The following SLIT1 variants were observed in gnomAD, a reference collection of about 807,000 sequenced individuals.
The protein encoded by SLIT1 is slit homolog 1 protein.
A neutral mutation model predicts 186.1 loss-of-function variants in SLIT1; 66 were observed. The ratio of observed to expected loss-of-function variants is 0.35; its 90% CI spans 0.29 to 0.44. The LOEUF (loss-of-function observed/expected upper bound fraction) is 0.44, where lower values mean the gene tolerates loss of function less well. SLIT1 is among the 20% of genes least tolerant of loss of function. The pLI is 1.00. For synonymous variants in SLIT1, 761 were observed against 833.8 expected (o/e 0.91, Z 1.50); for missense variants, 1,638 against 2,037.4 (o/e 0.80, Z 3.77).
rs896628252 is a variant in SLIT1 at position 97,004,083 on chromosome 10, G to T, written c.3850C>A (p.Pro1284Thr). ...GKHYTLNSEA[P>T]LYVGGMPVDV... ...AGGTCCTCACCTCCCACATAGAGTG[G>T]CGCCTCGCTGTTGAGCGTGTAATGT... The change falls in exon 34 of 37, where the codon CCA becomes ACA. Residue 1284 changes from proline (P) to threonine (T), a missense_variant. This residue lies in a region of SLIT1 where 173 missense variants were observed against 290.9 expected (regional missense o/e 0.59). Coordinates refer to ENST00000266058, the MANE Select transcript of SLIT1 (RefSeq NM_003061.3). This position sits in a 1 kb window ranked among gnomAD's most constrained non-coding sequence, Gnocchi z 5.1. 5 of 1,610,960 alleles carry T rather than the reference G, an allele frequency of 3.1e-6. No homozygotes were observed. Among genetic ancestry groups the T allele is most frequent in the Non-Finnish European group, 4.2e-6 (5 of 1,177,310 alleles).
intron 2 of SLIT1, among the ~76,000 whole-genome samples, chr10:97,164,537 C>A (rs1850077148): frequency 6.6e-6 from 1 of 152,154 alleles, no homozygotes; most frequent in Non-Finnish European, 1.5e-5. Flanking sequence ...GGTCCCTGCT[C>A]CTCCAAAGAC....
At chr10:97,094,837 C>T (rs1357014751) in intron 4 of SLIT1, among the ~76,000 whole-genome samples, 4 of 152,078 alleles carry the variant, frequency 2.6e-5, no homozygotes, top group South Asian at 4.1e-4. Flanking sequence ...GTTTTTTCTC[C>T]CCTTGGGTGG....
intron 25 of SLIT1, among the ~76,000 whole-genome samples, chr10:97,030,360 A>T (rs1382773694): frequency 6.6e-6 from 1 of 152,202 alleles, no homozygotes; most frequent in Non-Finnish European, 1.5e-5. Flanking sequence ...CTGGCCTAGG[A>T]GTCAGAAACC....
rs998475663 is a variant in SLIT1, at chr10:97,038,570, C to T, written c.2298-804G>A. Among the ~76,000 whole-genome samples the T allele has an allele frequency of 5.3e-5, 8 of 152,210 alleles. No individual in the cohort carries two copies. In the South Asian group the frequency reaches 6.2e-4, roughly 12 times the overall value. On this transcript the variant is annotated intron_variant, in intron 21 of 36. Transcript: ENST00000266058. The stretch of plus-strand genomic sequence containing the variant: ...GATTCAAGATGCTCTGAACCTCCCC[C>T]TCTTCCCTTCATTGTTGACCATTCA...
chr10:97,087,973 G>C (rs1017747885), intron 4 of SLIT1, among the ~76,000 whole-genome samples: 2 of 152,100 alleles, frequency 1.3e-5, no homozygotes, highest in Non-Finnish European at 2.9e-5. Flanking sequence ...CCCGAGACCT[G>C]CTGCATCAGA....
At chr10:97,162,505 C>T (rs1268257890) in intron 3 of SLIT1, among the ~76,000 whole-genome samples, 2 of 152,096 alleles carry the variant, frequency 1.3e-5, no homozygotes, top group Admixed American at 6.5e-5. Context: ...CCCAGCTACT[C>T]GGGAGGCTGA....
chr10:97,139,010 A>G (rs770540794), intron 4 of SLIT1, among the ~76,000 whole-genome samples: 88 of 152,254 alleles, frequency 5.8e-4, no homozygotes, highest in Admixed American at 7.2e-4. Context: ...CCATCCTGAT[A>G]TTCCCTGTGC....
intron 5 of SLIT1, chr10:97,065,745 T>C: frequency 2.5e-6 from 1 of 407,122 alleles, no homozygotes; most frequent in Non-Finnish European, 4.6e-6. Context: ...ACTGAGAACA[T>C]TGCCCACGCT....
intron 21 of SLIT1, among the ~76,000 whole-genome samples, chr10:97,038,064 G>A (rs1480950528): frequency 1.3e-5 from 2 of 151,924 alleles, no homozygotes; most frequent in Non-Finnish European, 2.9e-5. Flanking sequence ...ACACTCCCTG[G>A]GCCCCTGCCT....
chr10:97,127,415 C>T (rs1849614646), intron 4 of SLIT1, among the ~76,000 whole-genome samples: 1 of 152,302 alleles, frequency 6.6e-6, no homozygotes, highest in African/African-American at 2.4e-5. Context: ...CTATGCTGTC[C>T]GTTAAGTTAG....
intron 4 of SLIT1, among the ~76,000 whole-genome samples, chr10:97,088,077 T>C (rs1849186236): frequency 6.6e-6 from 1 of 152,130 alleles, no homozygotes; most frequent in Admixed American, 6.5e-5. Context: ...ACTGGAACTA[T>C]CTGGGAAACT....
chr10:97,039,888 C>T, intron 21 of SLIT1, 100 bp downstream of exon 21: 1 of 1,386,736 alleles, frequency 7.2e-7, no homozygotes, highest in Non-Finnish European at 9.9e-7. Context: ...CTCTTGGTCA[C>T]CTCCTCCTCC....
intron 3 of SLIT1, among the ~76,000 whole-genome samples, chr10:97,159,452 T>C (rs1462566478): frequency 2.0e-5 from 3 of 152,236 alleles, no homozygotes; most frequent in Non-Finnish European, 4.4e-5. Context: ...TCTTTATCCT[T>C]GGTCCAGTAA....
chr10:97,095,717 G>GTGGA (rs1849281352), intron 4 of SLIT1, among the ~76,000 whole-genome samples: 1 of 152,196 alleles, frequency 6.6e-6, no homozygotes, highest in South Asian at 2.1e-4. Flanking sequence ...CGGACATCAT[G>GTGGA]TGGATGGAAA....
At chr10:97,177,211 GTA>G (rs1339339112) in intron 1 of SLIT1, among the ~76,000 whole-genome samples, 1 of 152,160 alleles carries the variant, frequency 6.6e-6, no homozygotes, top group Admixed American at 6.5e-5. Context: ...ACTCTCCAGA[GTA>G]ACCTTCCCCA....
chr10:97,057,086 T>C, intron 12 of SLIT1, 124 bp downstream of exon 12: 2 of 719,040 alleles, frequency 2.8e-6, no homozygotes, highest in South Asian at 3.7e-5. Flanking sequence ...TCTGCCTGTC[T>C]TCCAAGCTCA....
chr10:97,133,052 T>G (rs1197050782), intron 4 of SLIT1, among the ~76,000 whole-genome samples: 1 of 152,130 alleles, frequency 6.6e-6, no homozygotes, highest in Non-Finnish European at 1.5e-5. Flanking sequence ...GCCTGGAAAT[T>G]GGGAAGTTGC....
chr10:97,097,468 C>T (rs946397741), intron 4 of SLIT1, among the ~76,000 whole-genome samples: 8 of 152,154 alleles, frequency 5.3e-5, no homozygotes, highest in African/African-American at 1.4e-4. Flanking sequence ...AAGACGGTGG[C>T]GGTGGGGTGG....
At chr10:97,032,466 G>A (rs1283102096) in intron 23 of SLIT1, among the ~76,000 whole-genome samples, 1 of 152,022 alleles carries the variant, frequency 6.6e-6, no homozygotes, top group African/African-American at 2.4e-5. Context: ...CTACTCGAGA[G>A]GCTGAGGCAG....
Sources: gnomAD v4.1 joint callset for allele counts (sites outside exome capture counted in the v4.1 genomes callset) on GRCh38, gnomAD v4.1.1 for gene constraint, gnomAD v4.1.1 regional missense constraint, Gnocchi (gnomAD v3.1) non-coding constraint, MANE v1.5 for transcripts, NCBI Gene and HGNC (gene_info 2026-07-23, HGNC 2026-07-21) for gene names.